DPYD: variants seen among roughly 807,000 people sequenced by gnomAD.
The protein encoded by DPYD is dihydropyrimidine dehydrogenase [NADP(+)].
DPYD carries 109 observed loss-of-function variants against 116.2 expected under a neutral mutation model. The ratio of observed to expected loss-of-function variants is 0.94; its 90% CI spans 0.80 to 1.10. The LOEUF (loss-of-function observed/expected upper bound fraction) is 1.10, where lower values mean the gene tolerates loss of function less well. DPYD is among the 50% of genes least tolerant of loss of function. DPYD has a pLI of 0.00. For synonymous variants in DPYD, 440 were observed against 432.0 expected, an observed-to-expected ratio of 1.02 and a Z score of -0.23; for missense variants, 1,302 against 1,254.5, an observed-to-expected ratio of 1.04 and a Z score of -0.57.
chr1:97,314,136 C>T (rs770396996), intron 16 of DPYD, among the ~76,000 whole-genome samples: 1 of 151,894 alleles, frequency 6.6e-6, no homozygotes, highest in Non-Finnish European at 1.5e-5. Flanking sequence ...GAACTGTCTC[C>T]TACTGTGGCC....
intron 2 of DPYD, among the ~76,000 whole-genome samples, chr1:97,883,031 A>T (rs1319023027): frequency 6.6e-6 from 1 of 152,088 alleles, no homozygotes; most frequent in Non-Finnish European, 1.5e-5. Context: ...GGGTATTATG[A>T]ATTTTCAGAT....
At chr1:97,639,074 ATCT>A (rs1297888890) in intron 8 of DPYD, among the ~76,000 whole-genome samples, 11 of 152,130 alleles carry the variant, frequency 7.2e-5, no homozygotes, top group African/African-American at 2.7e-4. Flanking sequence ...AGTAAGGCAA[ATCT>A]TCTTTGTAGG....
chr1:97,323,420 A>ATACATATGTGTATATGTACACGCATG (rs912870621), intron 16 of DPYD, among the ~76,000 whole-genome samples: 1 of 72,584 alleles, frequency 1.4e-5, no homozygotes, highest in African/African-American at 4.6e-5. Flanking sequence ...GTACACGTAT[A>ATACATATGTGTATATGTACACGCATG]TATACATATG....
In DPYD at chr1:97,601,494, T is replaced by C. The variant is rs536289837; in HGVS notation, c.851-6328A>G. On this transcript the variant is annotated intron_variant, in intron 8 of 22. Coordinates refer to ENST00000370192, the MANE Select transcript of DPYD (RefSeq NM_000110.4). ...TGTATATATATGTTTATATATGTAT[T>C]AGAGAAGATAAGCTATTCCTGATTC... Among the ~76,000 whole-genome samples, 17 of 152,080 alleles carry C rather than the reference T, an allele frequency of 1.1e-4. No homozygotes were observed. The South Asian group carries it at 3.5e-3, about 32-fold the overall frequency.
chr1:97,522,555 T>A (rs1267512307), intron 12 of DPYD, among the ~76,000 whole-genome samples: 3 of 151,944 alleles, frequency 2.0e-5, no homozygotes, highest in Non-Finnish European at 4.4e-5. Flanking sequence ...CCGTCTCTAC[T>A]AAAAATACAA....
intron 11 of DPYD, among the ~76,000 whole-genome samples, chr1:97,568,354 A>C (rs570306512): frequency 6.6e-6 from 1 of 152,284 alleles, no homozygotes; most frequent in South Asian, 2.1e-4. Context: ...CTGTAACTTA[A>C]GCTTACTATA....
chr1:97,234,760 C>T, intron 19 of DPYD, 92 bp downstream of exon 19: 1 of 1,542,672 alleles, frequency 6.5e-7, no homozygotes, highest in Non-Finnish European at 8.8e-7. Flanking sequence ...TCAAGAGGCC[C>T]AAAAACGAAT....
chr1:97,339,078 AAG>A lies in DPYD; in HGVS notation c.2059-32783_2059-32782del, dbSNP rs949805991. 3.8e-4 allele frequency among the ~76,000 whole-genome samples: 58 copies of A among 152,290 alleles called. No homozygotes were observed. The Middle Eastern group carries it at 0.014, about 36-fold the overall frequency. The stretch of plus-strand genomic sequence containing the variant: ...AATCAAAGAGAGGAGGTAAAAAAAA[AAG>A]AGAGTAGCTACTGCTGAGACCTGAA... On this transcript the variant is annotated intron_variant, in intron 16 of 22. Coordinates refer to ENST00000370192, the MANE Select transcript of DPYD (RefSeq NM_000110.4).
At chr1:97,580,975 G>A (rs992025812) in intron 10 of DPYD, among the ~76,000 whole-genome samples, 4 of 152,050 alleles carry the variant, frequency 2.6e-5, no homozygotes, top group Non-Finnish European at 5.9e-5. Flanking sequence ...TATTGATAAT[G>A]GAGGGTTCTT....
rs1403507071 is a variant in DPYD, at chr1:97,625,026, T to A, written c.851-29860A>T. On this transcript the variant is annotated intron_variant, in intron 8 of 22. Coordinates refer to ENST00000370192, the MANE Select transcript of DPYD (RefSeq NM_000110.4). ...CCATAAGTGTGTGCTTTTTTCTTTT[T>A]TTTGAGTTATACTGCACAGCACAGT... Among the ~76,000 whole-genome samples the A allele has an allele frequency of 2.6e-5, 4 of 152,162 alleles. No homozygotes were observed. The East Asian group carries it at 7.7e-4, about 29-fold the overall frequency.
At chr1:97,695,699 C>T (rs1177081874) in intron 6 of DPYD, among the ~76,000 whole-genome samples, 2 of 151,704 alleles carry the variant, frequency 1.3e-5, no homozygotes, top group Non-Finnish European at 2.9e-5. Context: ...TCCTTTATCT[C>T]TGAGGTTAGG....
chr1:97,587,895 CAT>C (rs1315810515), intron 10 of DPYD, among the ~76,000 whole-genome samples: 1 of 148,550 alleles, frequency 6.7e-6, no homozygotes, highest in Non-Finnish European at 1.5e-5. Flanking sequence ...TATCCATAGA[CAT>C]AGCTTTAACA....
chr1:97,749,034 T>C (rs1325242455), intron 3 of DPYD, among the ~76,000 whole-genome samples: 1 of 152,186 alleles, frequency 6.6e-6, no homozygotes, highest in Non-Finnish European at 1.5e-5. Flanking sequence ...TGAGAATATA[T>C]GTGACAAAAG....
At chr1:97,087,093 A>G (rs956218455) in intron 21 of DPYD, among the ~76,000 whole-genome samples, 1 of 152,314 alleles carries the variant, frequency 6.6e-6, no homozygotes, top group East Asian at 1.9e-4. Flanking sequence ...TAATGCTCCC[A>G]AGTCAAAAGC....
At chr1:97,729,059 T>C (rs905574988) in intron 4 of DPYD, among the ~76,000 whole-genome samples, 3 of 152,120 alleles carry the variant, frequency 2.0e-5, no homozygotes, top group Non-Finnish European at 4.4e-5. Context: ...TACAATATGA[T>C]TCATTTTTAG....
intron 2 of DPYD, among the ~76,000 whole-genome samples, chr1:97,832,431 T>C (rs1669584947): frequency 6.6e-6 from 1 of 152,150 alleles, no homozygotes; most frequent in Non-Finnish European, 1.5e-5. Flanking sequence ...GGAAAATAGT[T>C]TACTAGCAGA....
chr1:97,130,931 C>CTCTA lies in DPYD; in HGVS notation c.2623-32303_2623-32300dup, dbSNP rs71071635. Among the ~76,000 whole-genome samples, 353 of 136,796 alleles carry CTCTA rather than the reference C, an allele frequency of 2.6e-3. 2 individuals carry two copies. Among genetic ancestry groups the CTCTA allele is most frequent in the African/African-American group, 6.8e-3 (238 of 35,064 alleles). The allele number at this position is 136,796 out of a possible 152,430, so 89.7% of individuals were successfully genotyped here. On this transcript the variant is annotated intron_variant, in intron 20 of 22. Coordinates refer to ENST00000370192, the MANE Select transcript of DPYD (RefSeq NM_000110.4). ...ACTCCCTCCCTCCCTCTTTCTCTCT[C>CTCTA]TCTATCTATCTATCTATCTATCTAA...
At chr1:97,161,363 C>T (rs1351465951) in intron 20 of DPYD, among the ~76,000 whole-genome samples, 2 of 152,074 alleles carry the variant, frequency 1.3e-5, no homozygotes, top group Non-Finnish European at 2.9e-5. Context: ...TTCTACCATA[C>T]TGATACAAGT....
chr1:97,241,375 T>G (rs949473220), intron 18 of DPYD, among the ~76,000 whole-genome samples: 2 of 152,008 alleles, frequency 1.3e-5, no homozygotes, highest in Non-Finnish European at 2.9e-5. Context: ...CTGTGTACTT[T>G]AACCCTTGTA....
Sources: gnomAD v4.1 joint callset for allele counts (sites outside exome capture counted in the v4.1 genomes callset) on GRCh38, gnomAD v4.1.1 for gene constraint, MANE v1.5 for transcripts, NCBI Gene and HGNC (gene_info 2026-07-23, HGNC 2026-07-21) for gene names.